Variants in RBFOX1 observed in about 807,000 individuals in gnomAD.
RBFOX1 encodes RNA binding fox-1 homolog 1.
RBFOX1 carries 8 observed loss-of-function variants against 57.7 expected under a neutral mutation model. That is an observed-to-expected ratio of 0.14 (90% confidence interval 0.08 to 0.25). The LOEUF (loss-of-function observed/expected upper bound fraction) is 0.25. Ranked by LOEUF, RBFOX1 falls within the 10% of genes least tolerant of loss-of-function variation. The pLI is 1.00. For missense variants in RBFOX1, 611 were observed against 548.5 expected (o/e 1.11, Z -1.14); for synonymous variants, 326 against 222.4 (o/e 1.47, Z -4.15).
chr16:6,460,171 C>T (rs1342349648), intron 2 of RBFOX1, among the ~76,000 whole-genome samples: 1 of 152,056 alleles, frequency 6.6e-6, no homozygotes, highest in Admixed American at 6.6e-5. Flanking sequence ...GGAGGCTGGA[C>T]ATCCAAGATT....
intron 2 of RBFOX1, among the ~76,000 whole-genome samples, chr16:6,648,184 C>T (rs1157284032): frequency 6.6e-6 from 1 of 151,862 alleles, no homozygotes; most frequent in Non-Finnish European, 1.5e-5. Flanking sequence ...AAGCTGGGAC[C>T]ACAGGTGCAT....
chr16:5,655,556 G>A (rs764658380), intron 3 of RBFOX1, among the ~76,000 whole-genome samples: 2 of 152,192 alleles, frequency 1.3e-5, no homozygotes, highest in Non-Finnish European at 2.9e-5. Context: ...TTTCAAAGTG[G>A]GTTCTGCTAC....
chr16:6,388,306 C>T (rs752296042), intron 2 of RBFOX1, among the ~76,000 whole-genome samples: 2 of 151,666 alleles, frequency 1.3e-5, no homozygotes, highest in Non-Finnish European at 1.5e-5. Context: ...ACTTGGGGGA[C>T]GTAGGTCTGA....
At chr16:6,950,980 A>C (rs944242634) in intron 3 of RBFOX1, among the ~76,000 whole-genome samples, 4 of 151,480 alleles carry the variant, frequency 2.6e-5, no homozygotes, top group African/African-American at 9.7e-5. Flanking sequence ...ATCACAGCTC[A>C]TTGCAGCCTC....
intron 4 of RBFOX1, among the ~76,000 whole-genome samples, chr16:7,517,549 C>T (rs939796647): frequency 4.7e-5 from 1 of 21,156 alleles, no homozygotes; most frequent in East Asian, 5.5e-4. Flanking sequence ...TACACACACA[C>T]AGACACACAC....
chr16:7,154,338 C>T (rs908116884), intron 4 of RBFOX1, among the ~76,000 whole-genome samples: 1 of 152,208 alleles, frequency 6.6e-6, no homozygotes, highest in African/African-American at 2.4e-5. Flanking sequence ...ACTCATCCAT[C>T]TCTGCCTGGG....
intron 3 of RBFOX1, among the ~76,000 whole-genome samples, chr16:6,712,826 C>G (rs570708879): frequency 6.4e-4 from 97 of 150,954 alleles, no homozygotes; most frequent in African/African-American, 2.2e-3. Flanking sequence ...TTGTAGCTCT[C>G]ATCACCCTCA....
chr16:5,618,091 C>T (rs2048092310), intron 3 of RBFOX1, among the ~76,000 whole-genome samples: 2 of 152,180 alleles, frequency 1.3e-5, no homozygotes, highest in South Asian at 4.1e-4. Flanking sequence ...TGGATTACTA[C>T]CACTCAGATC....
chr16:6,355,006 C>A (rs1305215627), intron 2 of RBFOX1, among the ~76,000 whole-genome samples: 2 of 152,128 alleles, frequency 1.3e-5, no homozygotes, highest in Non-Finnish European at 2.9e-5. Context: ...CCTCTGACAG[C>A]CCAGAGGACA....
intron 4 of RBFOX1, among the ~76,000 whole-genome samples, chr16:5,944,811 T>TAAAAAAAAAAAAAAAAAAAAAAA (rs2059362532): frequency 2.5e-5 from 1 of 39,452 alleles, no homozygotes; most frequent in African/African-American, 1.3e-4. Context: ...AAAAAAAAAT[T>TAAAAAAAAAAAAAAAAAAAAAAA]AGCTGGGTGT....
At chr16:6,338,463 A>G (rs2084070605) in intron 2 of RBFOX1, among the ~76,000 whole-genome samples, 1 of 152,242 alleles carries the variant, frequency 6.6e-6, no homozygotes, top group African/African-American at 2.4e-5. Context: ...AATTTTTAAT[A>G]GGCAGATGAG....
intron 4 of RBFOX1, among the ~76,000 whole-genome samples, chr16:7,365,694 G>T (rs1035036423): frequency 2.0e-5 from 3 of 152,170 alleles, no homozygotes; most frequent in African/African-American, 7.2e-5. Flanking sequence ...ACTTCCCACA[G>T]TACAGAATTA....
intron 4 of RBFOX1, among the ~76,000 whole-genome samples, chr16:7,329,048 C>A (rs1303046873): frequency 2.0e-5 from 3 of 152,210 alleles, no homozygotes; most frequent in Non-Finnish European, 2.9e-5. Flanking sequence ...AACATGGCCA[C>A]AATCCTTCTT....
chr16:6,252,122 G>A (rs2097619314), intron 1 of RBFOX1, among the ~76,000 whole-genome samples: 1 of 152,022 alleles, frequency 6.6e-6, no homozygotes, highest in South Asian at 2.1e-4. Context: ...TGACAGTCCA[G>A]TCCTCCACAT....
At chr16:7,088,915 C>T (rs17736876) in intron 4 of RBFOX1, among the ~76,000 whole-genome samples, 16,952 of 152,134 alleles carry the variant, frequency 0.11, 1,000 homozygotes, top group East Asian at 0.16. Context: ...CCTCTTTATC[C>T]GCTTCCCTCC....
chr16:6,370,083 G>C, intron 2 of RBFOX1, among the ~76,000 whole-genome samples: 1 of 152,234 alleles, frequency 6.6e-6, no homozygotes, highest in South Asian at 2.1e-4. Flanking sequence ...GCTGGGCCGG[G>C]TGCGGTGGCT....
intron 2 of RBFOX1, among the ~76,000 whole-genome samples, chr16:6,557,783 G>A (rs1247129473): frequency 6.6e-6 from 1 of 152,164 alleles, no homozygotes; most frequent in Admixed American, 6.5e-5. Flanking sequence ...TCCATGTCAA[G>A]GCAATGTTTT....
intron 3 of RBFOX1, among the ~76,000 whole-genome samples, chr16:6,751,749 C>G (rs956900036): frequency 5.3e-5 from 8 of 152,090 alleles, no homozygotes; most frequent in African/African-American, 1.9e-4. Context: ...ATTGAACCTG[C>G]GTTGTTTACT....
chr16:6,495,968 T>C (rs570618726), intron 2 of RBFOX1, among the ~76,000 whole-genome samples: 1 of 152,384 alleles, frequency 6.6e-6, no homozygotes, highest in East Asian at 1.9e-4. Flanking sequence ...AACAGGCTTA[T>C]AAAGTATTTA....
Sources: gnomAD v4.1 joint callset for allele counts (sites outside exome capture counted in the v4.1 genomes callset) on GRCh38, gnomAD v4.1.1 for gene constraint, MANE v1.5 for transcripts, NCBI Gene and HGNC (gene_info 2026-07-23, HGNC 2026-07-21) for gene names.